The following EMCN variants were observed in gnomAD, a reference collection of about 807,000 sequenced individuals.
EMCN encodes MUC-14.
In EMCN, 37 loss-of-function variants were observed where a neutral mutation model predicts 38.4. The observed-to-expected ratio is 0.96, with a 90% CI of 0.74 to 1.27. The LOEUF is 1.27. EMCN is among the 50% of genes most tolerant of loss of function. EMCN has a pLI of 0.00. For synonymous variants in EMCN, 95 were observed against 100.8 expected, an observed-to-expected ratio of 0.94 and a Z score of 0.35; for missense variants, 318 against 302.8, an observed-to-expected ratio of 1.05 and a Z score of -0.37.
intron 1 of EMCN, among the ~76,000 whole-genome samples, chr4:100,487,284 G>A (rs1728966576): frequency 1.3e-5 from 2 of 152,046 alleles, no homozygotes; most frequent in African/African-American, 2.4e-5. Context: ...TACCTTCCAA[G>A]GAAGTAAGAT....
intron 5 of EMCN, among the ~76,000 whole-genome samples, chr4:100,431,484 G>A (rs576633368): frequency 1.3e-5 from 2 of 152,218 alleles, no homozygotes; most frequent in South Asian, 4.1e-4. Flanking sequence ...AACAAAGAGG[G>A]AACTTCTTCT....
chr4:100,492,925 C>A (rs1276309638), intron 1 of EMCN, among the ~76,000 whole-genome samples: 1 of 152,160 alleles, frequency 6.6e-6, no homozygotes, highest in Non-Finnish European at 1.5e-5. Flanking sequence ...ACAGCTTAAC[C>A]TTTTTAGCCT....
At chr4:100,462,605 G>T (rs1469973796) in intron 4 of EMCN, among the ~76,000 whole-genome samples, 10 of 151,944 alleles carry the variant, frequency 6.6e-5, no homozygotes, top group Admixed American at 2.0e-4. Context: ...TATTATAGGG[G>T]CCATCATATT....
chr4:100,457,717 G>A (rs535543664), intron 4 of EMCN, among the ~76,000 whole-genome samples: 15 of 152,154 alleles, frequency 9.9e-5, no homozygotes, highest in South Asian at 2.1e-4. Context: ...TTTGTTGAAC[G>A]TATTTGCATC....
chr4:100,444,652 G>C (rs141536716), intron 5 of EMCN, among the ~76,000 whole-genome samples: 1 of 152,238 alleles, frequency 6.6e-6, no homozygotes, highest in Non-Finnish European at 1.5e-5. Context: ...GTAGCAGCTT[G>C]GCTGGTGGAT....
At chr4:100,473,888 T>G (rs1206483592) in intron 3 of EMCN, 1 of 153,038 alleles carries the variant, frequency 6.5e-6, no homozygotes. Context: ...GATCTGATTG[T>G]GATGTGCGAC....
chr4:100,507,236 G>A (rs767701555), intron 1 of EMCN, among the ~76,000 whole-genome samples: 52 of 152,112 alleles, frequency 3.4e-4, no homozygotes, highest in Admixed American at 1.6e-3. Context: ...GATGAAGGGC[G>A]CCTCTTTGCG....
chr4:100,413,160 T>C (rs1726611421), intron 10 of EMCN, among the ~76,000 whole-genome samples: 2 of 152,228 alleles, frequency 1.3e-5, no homozygotes, highest in African/African-American at 4.8e-5. Context: ...GTGTTACCCT[T>C]CTATGCTCAT....
intron 4 of EMCN, among the ~76,000 whole-genome samples, chr4:100,457,211 TGTGTGC>T (rs779176262): frequency 1.4e-3 from 145 of 103,422 alleles, no homozygotes; most frequent in African/African-American, 2.1e-3. Flanking sequence ...TGTGTGTGTG[TGTGTGC>T]GATCATTAGT....
chr4:100,454,512 C>T (rs1374716169), intron 4 of EMCN, among the ~76,000 whole-genome samples: 1 of 152,110 alleles, frequency 6.6e-6, no homozygotes. Context: ...ACCCCCTACT[C>T]CCAAAAGATA....
At position 100,432,080 on chromosome 4, in the gene EMCN, T is replaced by C. The variant is rs543224339; in HGVS notation, c.416-8676A>G. ...AAATGAATTCCATGATTGCTTAAAA[T>C]TGTTGTAATGGCTATGCAATGTTTG... On this transcript the variant is annotated intron_variant, in intron 5 of 11. Coordinates refer to ENST00000296420, the MANE Select transcript of EMCN (RefSeq NM_016242.4). 2.1e-4 allele frequency among the ~76,000 whole-genome samples: 32 copies of C among 152,254 alleles called. No homozygotes were observed. In the South Asian group the frequency reaches 6.6e-3, roughly 32 times the overall value.
chr4:100,438,279 T>C (rs1727411429), intron 5 of EMCN, among the ~76,000 whole-genome samples: 1 of 152,130 alleles, frequency 6.6e-6, no homozygotes, highest in African/African-American at 2.4e-5. Context: ...ATTGAGTGCA[T>C]TTTTGACATA....
At chr4:100,499,203 AT>A (rs1729287176) in intron 1 of EMCN, among the ~76,000 whole-genome samples, 1 of 152,156 alleles carries the variant, frequency 6.6e-6, no homozygotes. Context: ...CCATTTATAT[AT>A]TTTGTTAAGT....
chr4:100,508,986 G>T (rs192310639), intron 1 of EMCN, among the ~76,000 whole-genome samples: 153 of 152,210 alleles, frequency 1.0e-3, no homozygotes, highest in African/African-American at 3.6e-3. Flanking sequence ...AATAAATATT[G>T]CCCTCAAGTA....
intron 11 of EMCN, among the ~76,000 whole-genome samples, chr4:100,404,907 T>G (rs1404674774): frequency 2.6e-5 from 4 of 152,136 alleles, no homozygotes; most frequent in Non-Finnish European, 5.9e-5. Flanking sequence ...TGTTTTGTAC[T>G]TCTCATTATA....
chr4:100,448,745 G>A (rs955950487), intron 4 of EMCN, among the ~76,000 whole-genome samples: 1 of 151,658 alleles, frequency 6.6e-6, no homozygotes, highest in African/African-American at 2.4e-5. Flanking sequence ...ACTCCACCTC[G>A]TGGCTTTGCT....
intron 1 of EMCN, among the ~76,000 whole-genome samples, chr4:100,495,169 A>G (rs142402188): frequency 1.0e-3 from 152 of 152,140 alleles, no homozygotes; most frequent in African/African-American, 3.6e-3. Flanking sequence ...CAATCTCAAC[A>G]TATTTTATAT....
chr4:100,488,229 A>G (rs1311768545), intron 1 of EMCN, among the ~76,000 whole-genome samples: 1 of 152,218 alleles, frequency 6.6e-6, no homozygotes, highest in Admixed American at 6.5e-5. Context: ...ATCATGACAA[A>G]TAATAAAGAA....
intron 11 of EMCN, among the ~76,000 whole-genome samples, chr4:100,401,186 AT>A (rs1726248446): frequency 6.6e-6 from 1 of 152,196 alleles, no homozygotes; most frequent in African/African-American, 2.4e-5. Flanking sequence ...GAGTACGATC[AT>A]AATATACAGT....
Sources: gnomAD v4.1 joint callset for allele counts (sites outside exome capture counted in the v4.1 genomes callset) on GRCh38, gnomAD v4.1.1 for gene constraint, MANE v1.5 for transcripts, NCBI Gene and HGNC (gene_info 2026-07-23, HGNC 2026-07-21) for gene names.